PRKD1: variants seen among roughly 807,000 people sequenced by gnomAD.
PRKD1 encodes the protein serine/threonine-protein kinase D1.
Under a neutral mutation model 95.9 loss-of-function variants are expected in PRKD1, and 63 were observed. The ratio of observed to expected loss-of-function variants is 0.66; its 90% CI spans 0.54 to 0.81. The LOEUF is 0.81. PRKD1 is among the 30% of genes least tolerant of loss of function. PRKD1 has a pLI of 0.00. For synonymous variants in PRKD1, 425 were observed against 423.1 expected (o/e 1.00, Z -0.05); for missense variants, 1,048 against 1,165.3 (o/e 0.90, Z 1.47).
At chr14:29,780,462 A>T (rs995953244) in intron 1 of PRKD1, among the ~76,000 whole-genome samples, 11 of 152,152 alleles carry the variant, frequency 7.2e-5, no homozygotes, top group African/African-American at 2.4e-4. Flanking sequence ...AACAACCCCA[A>T]CAAAAAGTGG....
intron 16 of PRKD1, among the ~76,000 whole-genome samples, chr14:29,581,498 C>G (rs1049936540): frequency 6.6e-6 from 1 of 152,082 alleles, no homozygotes; most frequent in Non-Finnish European, 1.5e-5. Flanking sequence ...GTAAGTTGGT[C>G]AAAGTCAGAC....
At chr14:29,913,555 G>C (rs1354412402) in intron 1 of PRKD1, among the ~76,000 whole-genome samples, 1 of 152,114 alleles carries the variant, frequency 6.6e-6, no homozygotes, top group Non-Finnish European at 1.5e-5. Flanking sequence ...TGAAAAAAAG[G>C]CAAAGATCAT....
At chr14:29,766,681 C>T (rs1888274001) in intron 1 of PRKD1, among the ~76,000 whole-genome samples, 1 of 152,106 alleles carries the variant, frequency 6.6e-6, no homozygotes. Context: ...AAAAATGTGG[C>T]TACCAAATAT....
At chr14:29,797,646 C>T (rs1234563385) in intron 1 of PRKD1, among the ~76,000 whole-genome samples, 1 of 151,850 alleles carries the variant, frequency 6.6e-6, no homozygotes, top group Non-Finnish European at 1.5e-5. Flanking sequence ...TGGTGCAGAC[C>T]CTTCGTCCTC....
At chr14:29,795,314 C>A (rs2139204003) in intron 1 of PRKD1, among the ~76,000 whole-genome samples, 1 of 151,992 alleles carries the variant, frequency 6.6e-6, no homozygotes, top group African/African-American at 2.4e-5. Context: ...TATTTAATTA[C>A]ATTCAATCTC....
At chr14:29,774,021 T>C (rs1205068178) in intron 1 of PRKD1, among the ~76,000 whole-genome samples, 1 of 152,168 alleles carries the variant, frequency 6.6e-6, no homozygotes, top group Non-Finnish European at 1.5e-5. Context: ...AAAGAAAAGA[T>C]CAGTTGAGCT....
rs560141834 is a variant in PRKD1, at chr14:29,885,923, T to C, written c.264+41326A>G. Among the ~76,000 whole-genome samples, 139 of 151,046 alleles carry C rather than the reference T, an allele frequency of 9.2e-4. 1 individual carries two copies. The highest frequency in any genetic ancestry group is 6.6e-3 in the Admixed American group (99 of 15,106). ...TGGAGGTTGCAGGGAGCTAAGATCG[T>C]ACCACCATGCTCCAGCCTGGGTGAC... On this transcript the variant is annotated intron_variant, in intron 1 of 17. Transcript: ENST00000331968.
At chr14:29,720,800 T>A (rs1174878374) in intron 2 of PRKD1, among the ~76,000 whole-genome samples, 9 of 149,660 alleles carry the variant, frequency 6.0e-5, no homozygotes, top group South Asian at 4.3e-4. Flanking sequence ...AATAAATAAA[T>A]AAATAAATAA....
intron 1 of PRKD1, among the ~76,000 whole-genome samples, chr14:29,763,125 TAAAAAAA>T (rs36087571): frequency 6.2e-4 from 40 of 64,784 alleles, no homozygotes; most frequent in Non-Finnish European, 1.0e-3. Context: ...TCTCTAAAAT[TAAAAAAA>T]AAAAAAAAAA....
chr14:29,743,838 C>T (rs1887093399), intron 1 of PRKD1, among the ~76,000 whole-genome samples: 1 of 152,212 alleles, frequency 6.6e-6, no homozygotes, highest in African/African-American at 2.4e-5. Flanking sequence ...GCATGTGACC[C>T]AGTGGATCAC....
At chr14:29,887,103 T>C (rs998633795) in intron 1 of PRKD1, among the ~76,000 whole-genome samples, 1 of 152,236 alleles carries the variant, frequency 6.6e-6, no homozygotes, top group Admixed American at 6.5e-5. Context: ...TTATGCCTGC[T>C]GTCAATTGTT....
At chr14:29,800,017 A>C (rs957559620) in intron 1 of PRKD1, among the ~76,000 whole-genome samples, 3 of 152,160 alleles carry the variant, frequency 2.0e-5, no homozygotes, top group African/African-American at 4.8e-5. Flanking sequence ...GAAAGCTGTT[A>C]TGTGTCTCAC....
chr14:29,597,673 G>A lies in PRKD1; in HGVS notation c.2252C>T (p.Ala751Val). The change falls in exon 16 of 18, where the codon GCT (alanine) becomes GTT (valine). Residue 751 changes from alanine to valine, a missense_variant. Transcript: ENST00000331968. ...RSVVGTPAYL[A>V]PEVLRNKGYN... The stretch of plus-strand genomic sequence containing the variant: ...GCCCTTGTTCCTTAGGACCTCAGGA[G>A]CCAGGTAAGCGGGGGTACCCACCAC... 2 of 1,613,990 alleles carry A rather than the reference G, an allele frequency of 1.2e-6. No homozygotes were observed. Among genetic ancestry groups the A allele is most frequent in the South Asian group, 1.1e-5 (1 of 91,072 alleles).
intron 1 of PRKD1, among the ~76,000 whole-genome samples, chr14:29,747,365 C>T (rs945463722): frequency 1.3e-5 from 2 of 151,990 alleles, no homozygotes; most frequent in African/African-American, 4.8e-5. Context: ...TAAAATAGTT[C>T]CAACCATTAT....
intron 1 of PRKD1, among the ~76,000 whole-genome samples, chr14:29,760,470 C>T (rs574685103): frequency 1.4e-4 from 22 of 151,888 alleles, no homozygotes; most frequent in Admixed American, 1.0e-3. Context: ...ATTCTCCCGC[C>T]TCAGCCTCCC....
At chr14:29,725,412 A>C in intron 2 of PRKD1, 124 bp downstream of exon 2, 1 of 1,215,750 alleles carries the variant, frequency 8.2e-7, no homozygotes, top group Non-Finnish European at 1.2e-6. Context: ...ACAGAGCTCC[A>C]ACATCTTCTC....
At chr14:29,721,406 C>A (rs548566517) in intron 2 of PRKD1, among the ~76,000 whole-genome samples, 16 of 152,140 alleles carry the variant, frequency 1.1e-4, no homozygotes, top group Non-Finnish European at 2.2e-4. Context: ...TTCTTGTAGT[C>A]CTTTTCTAGT....
intron 2 of PRKD1, among the ~76,000 whole-genome samples, chr14:29,706,546 A>C (rs1005886783): frequency 6.6e-6 from 1 of 152,172 alleles, no homozygotes; most frequent in Non-Finnish European, 1.5e-5. Context: ...GACAACAATC[A>C]GCGTGAAAGT....
intron 1 of PRKD1, among the ~76,000 whole-genome samples, chr14:29,838,539 G>T (rs921487085): frequency 2.6e-5 from 4 of 152,014 alleles, no homozygotes; most frequent in Non-Finnish European, 5.9e-5. Flanking sequence ...GCTTTTAATT[G>T]CACAGTGATC....
Sources: gnomAD v4.1 joint callset for allele counts (sites outside exome capture counted in the v4.1 genomes callset) on GRCh38, gnomAD v4.1.1 for gene constraint, MANE v1.5 for transcripts, NCBI Gene and HGNC (gene_info 2026-07-23, HGNC 2026-07-21) for gene names.